Variants in KPNA5 observed in about 807,000 individuals in gnomAD.
KPNA5 encodes karyopherin subunit alpha 5.
A neutral mutation model predicts 71.3 loss-of-function variants in KPNA5; 46 were observed. The ratio of observed to expected loss-of-function variants is 0.65; its 90% confidence interval spans 0.51 to 0.83. KPNA5 has a LOEUF of 0.83. Among genes scored for constraint, KPNA5 ranks in the 40% least tolerant of loss-of-function variants. The pLI, the probability that KPNA5 is intolerant of heterozygous loss-of-function variation, is 0.00. For missense variants in KPNA5, 547 were observed against 628.3 expected (o/e 0.87, Z 1.38); for synonymous variants, 207 against 201.4 (o/e 1.03, Z -0.24).
Position 116,692,323 on chromosome 6 carries a change from A to G in KPNA5, c.271A>G (p.Met91Val), listed in dbSNP as rs569469405. ...AGTTGTTACTACAGATATGGTTCAGATGATTTTTTCTAATAATGCTGATCA... is the reference window on the plus strand; with the variant it reads ...AGTTGTTACTACAGATATGGTTCAGGTGATTTTTTCTAATAATGCTGATCA... ...EEVVTTDMVQ[M>V]IFSNNADQQL... The change falls in exon 4 of 14, where the codon ATG becomes GTG. Residue 91 changes from methionine to valine, a missense_variant. Transcript: ENST00000368564. 2 of 1,604,220 alleles carry G rather than the reference A, an allele frequency of 1.2e-6. No individual in the cohort carries two copies. Among genetic ancestry groups the G allele is most frequent in the East Asian group, 2.2e-5 (1 of 44,564 alleles).
At chr6:116,699,879 T>C (rs778761969) in intron 5 of KPNA5, among the ~76,000 whole-genome samples, 5 of 152,222 alleles carry the variant, frequency 3.3e-5, no homozygotes, top group Non-Finnish European at 5.9e-5. Flanking sequence ...ATGTAAGATA[T>C]TGTAGTTCCA....
chr6:116,700,806 AAGG>A (rs1211571916), intron 5 of KPNA5, among the ~76,000 whole-genome samples: 1 of 152,188 alleles, frequency 6.6e-6, no homozygotes, highest in Non-Finnish European at 1.5e-5. Flanking sequence ...TTAAAAATGA[AAGG>A]AGGTTGAATA....
At chr6:116,721,114 G>A (rs540297717) in intron 8 of KPNA5, among the ~76,000 whole-genome samples, 4 of 151,612 alleles carry the variant, frequency 2.6e-5, no homozygotes, top group East Asian at 3.9e-4. Flanking sequence ...TTCAGAAGAG[G>A]ATAGTTTATA....
intron 1 of KPNA5, among the ~76,000 whole-genome samples, chr6:116,682,355 G>A (rs1022608716): frequency 2.1e-5 from 3 of 145,452 alleles, no homozygotes; most frequent in East Asian, 2.1e-4. Context: ...TATGACACTG[G>A]CATTTACTTT....
intron 5 of KPNA5, among the ~76,000 whole-genome samples, chr6:116,701,391 A>AT (rs1778224594): frequency 6.6e-6 from 1 of 152,120 alleles, no homozygotes; most frequent in African/African-American, 2.4e-5. Context: ...AGTTGCTTTT[A>AT]TTTTAAATCC....
rs1269664501 is a variant in KPNA5, at chr6:116,737,212, T to C, written c.*4889T>C. 1 of 152,006 alleles carries C rather than the reference T, an allele frequency of 6.6e-6. No homozygotes were observed. The highest frequency in any genetic ancestry group is 1.5e-5 in the Non-Finnish European group (1 of 67,952). 9.4% of individuals were successfully genotyped at this position (152,006 alleles called of 1,614,324 possible). On this transcript the variant is annotated 3_prime_UTR_variant, in exon 14 of 14. Coordinates refer to ENST00000368564, the MANE Select transcript of KPNA5 (RefSeq NM_001366306.2). ...AACGTTTATTTTACTGCTGAGTCAG[T>C]ACCATTCCGAGTACTCTATTACCCT... is the stretch of plus-strand genomic sequence containing the variant.
intron 8 of KPNA5, among the ~76,000 whole-genome samples, chr6:116,718,231 A>G (rs1219295275): frequency 6.9e-6 from 1 of 145,584 alleles, no homozygotes; most frequent in Non-Finnish European, 1.5e-5. Flanking sequence ...TTAACATAAT[A>G]TATGTGTTTT....
In KPNA5 at chr6:116,719,952, TTC is replaced by T. The variant is rs1779042975; in HGVS notation, c.757-2172_757-2171del. On this transcript the variant is annotated intron_variant, in intron 8 of 13. Coordinates refer to ENST00000368564, the MANE Select transcript of KPNA5 (RefSeq NM_001366306.2). ...TGCAGACTTACACTTATCTCCTACT[TTC>T]TAGTCTAGTGCTTCATTTCAACCTC... Among the ~76,000 whole-genome samples the T allele has an allele frequency of 2.0e-5, 3 of 152,314 alleles. No individual in the cohort carries two copies. The East Asian group carries it at 5.8e-4, about 29-fold the overall frequency.
chr6:116,724,473 A>G (rs1280483946), intron 10 of KPNA5, 98 bp downstream of exon 10: 33 of 751,358 alleles, frequency 4.4e-5, no homozygotes, highest in Non-Finnish European at 6.7e-5. Context: ...AGATTTTAGC[A>G]TCACCATAAT....
At chr6:116,690,210 C>T (rs1583403279) in intron 2 of KPNA5, among the ~76,000 whole-genome samples, 1 of 152,136 alleles carries the variant, frequency 6.6e-6, no homozygotes, top group African/African-American at 2.4e-5. Context: ...GCTAGGATTA[C>T]AGGCATGTAA....
intron 3 of KPNA5, 34 bp downstream of exon 3, chr6:116,692,190 C>G: frequency 6.8e-7 from 1 of 1,477,726 alleles, no homozygotes; most frequent in Non-Finnish European, 9.4e-7. Flanking sequence ...CAAATTATAC[C>G]TCAATAATTT....
At chr6:116,729,158 CGTGTGTGTGTGTGTGTGTGTGTGT>C (rs150925835) in intron 12 of KPNA5, among the ~76,000 whole-genome samples, 3 of 112,160 alleles carry the variant, frequency 2.7e-5, no homozygotes, top group Admixed American at 2.0e-4. Flanking sequence ...ATATGACCTC[CGTGTGTGTGTGTGTGTGTGTGTGT>C]GTGTGTGTGT....
At position 116,725,733 on chromosome 6, in the gene KPNA5, A is replaced by T; in HGVS notation, c.1000-18A>T. ...ATTTACTATAAAACTTTTTGTTTCC[A>T]TTTCTAACTTGTTTTAGGTAATTTT... is the stretch of plus-strand genomic sequence containing the variant. On this transcript the variant is annotated intron_variant, in intron 10 of 13. Transcript: ENST00000368564. 1.3e-6 allele frequency: 2 copies of T among 1,594,242 alleles called. No individual in the cohort carries two copies. Among genetic ancestry groups the T allele is most frequent in the Non-Finnish European group, 1.7e-6 (2 of 1,170,538 alleles).
chr6:116,692,192 C>A, intron 3 of KPNA5, 36 bp downstream of exon 3: 1 of 1,470,688 alleles, frequency 6.8e-7, no homozygotes, highest in Non-Finnish European at 9.4e-7. Context: ...AATTATACCT[C>A]AATAATTTTA....
At chr6:116,682,397 C>T (rs1412118021) in intron 1 of KPNA5, among the ~76,000 whole-genome samples, 2 of 152,118 alleles carry the variant, frequency 1.3e-5, no homozygotes, top group African/African-American at 4.8e-5. Context: ...TTAAAAAAGA[C>T]AAAAACACTA....
chr6:116,683,845 C>T (rs1259335054), intron 1 of KPNA5, among the ~76,000 whole-genome samples: 1 of 150,012 alleles, frequency 6.7e-6, no homozygotes, highest in Admixed American at 6.6e-5. Context: ...GATCCACCTG[C>T]CTCGGCCTCC....
chr6:116,728,563 A>G (rs933756008), intron 12 of KPNA5, among the ~76,000 whole-genome samples: 15 of 152,154 alleles, frequency 9.9e-5, no homozygotes, highest in African/African-American at 3.6e-4. Context: ...CTTAACTATG[A>G]GGCAGTTATT....
chr6:116,681,746 T>G (rs920977888), intron 1 of KPNA5, among the ~76,000 whole-genome samples: 3 of 152,060 alleles, frequency 2.0e-5, no homozygotes, highest in Non-Finnish European at 4.4e-5. Flanking sequence ...AGAGACAGGT[T>G]CCATCCCGAG....
chr6:116,726,137 A>G (rs950186938), intron 11 of KPNA5, among the ~76,000 whole-genome samples: 14 of 151,428 alleles, frequency 9.2e-5, no homozygotes, highest in African/African-American at 3.2e-4. Flanking sequence ...ATTTTTTTGC[A>G]TTAGTTTTAA....
Sources: gnomAD v4.1 joint callset for allele counts (sites outside exome capture counted in the v4.1 genomes callset) on GRCh38, gnomAD v4.1.1 for gene constraint, MANE v1.5 for transcripts, NCBI Gene and HGNC (gene_info 2026-07-23, HGNC 2026-07-21) for gene names.